The following HSPB2 variants were observed in gnomAD, a reference collection of about 807,000 sequenced individuals.
HSPB2 encodes heat shock protein family B (small) member 2, also known as heat shock protein beta-2.
In HSPB2, 14 loss-of-function variants were observed where a neutral mutation model predicts 14.1. That is an observed-to-expected ratio of 0.99 (90% CI 0.66 to 1.55). The LOEUF is 1.55. Ranked by LOEUF, HSPB2 falls within the 40% of genes most tolerant of loss-of-function variation. HSPB2 has a pLI of 0.00. For synonymous variants in HSPB2, 110 were observed against 103.4 expected (o/e 1.06, Z -0.39); for missense variants, 242 against 241.7 (o/e 1.00, Z -0.01).
chr11:111,913,266 C>A, intron 1 of HSPB2, 175 bp from the exon 2 acceptor site: 1 of 634,090 alleles, frequency 1.6e-6, no homozygotes, highest in Non-Finnish European at 2.8e-6. Flanking sequence ...CGTTCTCTTT[C>A]CCCTCTTCCG....
rs1965510131 is a variant in HSPB2 at position 111,912,861 on chromosome 11, C to T, written c.32C>T (p.Pro11Leu). The change falls in exon 1 of 2, where the codon CCG becomes CTG. Residue 11 changes from proline (P) to leucine (L), a missense_variant. Physicochemically the swap from Pro to Leu is moderately conservative, Grantham distance 98. Coordinates refer to ENST00000304298, the MANE Select transcript of HSPB2 (RefSeq NM_001541.4). MSGRSVPHAH[P>L]ATAEYEFANP... ...GGCCGCTCAGTGCCACATGCCCACC[C>T]GGCCACCGCCGAGTACGAATTTGCC... 2 of 1,608,228 alleles carry T rather than the reference C, an allele frequency of 1.2e-6. No individual in the cohort carries two copies. The highest frequency in any genetic ancestry group is 8.5e-7 in the Non-Finnish European group (1 of 1,178,556).
chr11:111,912,751 C>G lies in HSPB2; in HGVS notation c.-79C>G, dbSNP rs1555165734. On this transcript the variant is annotated 5_prime_UTR_variant, in exon 1 of 2. Coordinates refer to ENST00000304298, the MANE Select transcript of HSPB2 (RefSeq NM_001541.4). Reference sequence around the variant, plus strand: ...GCCCCCACCTCCTATCGAGCCCTGGCTCTCCGGGCAGCTGGAGGGGTCGCG... The same window carrying G: ...GCCCCCACCTCCTATCGAGCCCTGGGTCTCCGGGCAGCTGGAGGGGTCGCG... 1 of 1,055,064 alleles carries G rather than the reference C, an allele frequency of 9.5e-7. No individual in the cohort carries two copies. 65.4% of individuals were successfully genotyped at this position (1,055,064 alleles called of 1,614,324 possible). A position where few individuals can be genotyped will look rare whatever the true frequency, so the allele number is the denominator to read the frequency against.
In HSPB2 at chr11:111,913,213, T is replaced by C. The variant is rs1489828138; in HGVS notation, c.95-228T>C. ...CAGGCCGTTTGGTGCCTCCTCCTCC[T>C]CCCCCTCCTCCTCCTTCTCCTCCTC... On this transcript the variant is annotated intron_variant, in intron 1 of 1. Transcript: ENST00000304298. 17 of 571,692 alleles carry C rather than the reference T, an allele frequency of 3.0e-5. No individual in the cohort carries two copies. In the African/African-American group the frequency reaches 3.1e-4, roughly 10 times the overall value. The allele number at this position is 571,692 out of a possible 1,614,324, so 35.4% of individuals were successfully genotyped here.
rs782358064 is a variant in HSPB2, at chr11:111,912,834, C to T, written c.5C>T (p.Ser2Leu). M[S>L]GRSVPHAHPA... ...GCTTCTGCTGCATCTGCAGCCATGT[C>T]GGGCCGCTCAGTGCCACATGCCCAC... Residue 2 changes from serine to leucine, a missense_variant, in exon 1 of 2, where the codon TCG (serine) becomes TTG (leucine). Transcript: ENST00000304298. 1.2e-6 allele frequency: 2 copies of T among 1,601,186 alleles called. No individual in the cohort carries two copies. The highest frequency in any genetic ancestry group is 2.3e-5 in the South Asian group (2 of 88,340).
At position 111,913,605 on chromosome 11, in the gene HSPB2, G is replaced by T. The variant is rs782564961; in HGVS notation, c.259G>T (p.Glu87Ter). 6.2e-7 allele frequency: 1 copy of T among 1,614,176 alleles called. No individual in the cohort carries two copies. The highest frequency in any genetic ancestry group is 2.2e-5 in the East Asian group (1 of 44,876). Residue 87 changes from glutamate (E) to a stop codon, truncating the protein, a stop_gained, in exon 2 of 2, where the codon GAG (glutamate) becomes TAG (stop). Transcript: ENST00000304298. LOFTEE classifies it high-confidence loss of function. ...GGATGTGAGCCACTTTACCCCAGACGAGGTGACTGTGAGGACTGTGGATAA... is the reference window on the plus strand; with the variant it reads ...GGATGTGAGCCACTTTACCCCAGACTAGGTGACTGTGAGGACTGTGGATAA... The part of the protein sequence containing the change: ...FLDVSHFTPD[E>*]VTVRTVDNLL...
Position 111,912,757 on chromosome 11 carries a change from G to C in HSPB2, c.-73G>C. 1 of 1,015,690 alleles carries C rather than the reference G, an allele frequency of 9.8e-7. No individual in the cohort carries two copies. The highest frequency in any genetic ancestry group is 1.4e-6 in the Non-Finnish European group (1 of 723,632). 62.9% of individuals were successfully genotyped at this position (1,015,690 alleles called of 1,614,324 possible). A position where few individuals can be genotyped will look rare whatever the true frequency, so the allele number is the denominator to read the frequency against. On this transcript the variant is annotated 5_prime_UTR_variant, in exon 1 of 2. Coordinates refer to ENST00000304298, the MANE Select transcript of HSPB2 (RefSeq NM_001541.4). The stretch of plus-strand genomic sequence containing the variant: ...ACCTCCTATCGAGCCCTGGCTCTCC[G>C]GGCAGCTGGAGGGGTCGCGCTGCGC...
chr11:111,912,968 G>A (rs1262555246), intron 1 of HSPB2, 45 bp downstream of exon 1: 2 of 935,138 alleles, frequency 2.1e-6, no homozygotes, highest in Non-Finnish European at 2.6e-6. Flanking sequence ...CCCACCCCCT[G>A]AAATTCTGGG....
rs1446100262 is a variant in HSPB2, at chr11:111,913,632, C to A, written c.286C>A (p.Leu96Met). Residue 96 changes from leucine to methionine, a missense_variant, in exon 2 of 2, where the codon CTG (leucine) becomes ATG (methionine). By Grantham distance (15) the Leu-to-Met change is conservative (BLOSUM62 2). Coordinates refer to ENST00000304298, the MANE Select transcript of HSPB2 (RefSeq NM_001541.4). ...DEVTVRTVDN[L>M]LEVSARHPQR... is the part of the protein sequence containing the mutation. The stretch of plus-strand genomic sequence containing the variant: ...GGTGACTGTGAGGACTGTGGATAAC[C>A]TGCTGGAGGTGTCTGCCCGGCACCC... The A allele has an allele frequency of 3.7e-6, 6 of 1,614,062 alleles. No individual in the cohort carries two copies. Among genetic ancestry groups the A allele is most frequent in the Admixed American group, 1.7e-5 (1 of 60,004 alleles).
At position 111,912,957 on chromosome 11, in the gene HSPB2, C is replaced by T. The variant is rs545496413; in HGVS notation, c.94+34C>T. 82 of 1,487,542 alleles carry T rather than the reference C, an allele frequency of 5.5e-5. No individual in the cohort carries two copies. In the African/African-American group the frequency reaches 1.0e-3, roughly 18 times the overall value. 92.1% of individuals were successfully genotyped at this position (1,487,542 alleles called of 1,614,324 possible). A position where few individuals can be genotyped will look rare whatever the true frequency, so the allele number is the denominator to read the frequency against. On this transcript the variant is annotated intron_variant, in intron 1 of 1. Coordinates refer to ENST00000304298, the MANE Select transcript of HSPB2 (RefSeq NM_001541.4). ...CAGACACCACCCCCTTGCCCCCCACCCCCACCCCCTGAAATTCTGGGCTGA... is the reference window on the plus strand; with the variant it reads ...CAGACACCACCCCCTTGCCCCCCACTCCCACCCCCTGAAATTCTGGGCTGA...
intron 1 of HSPB2, 32 bp downstream of exon 1, chr11:111,912,955 AC>A: frequency 1.2e-6 from 1 of 811,182 alleles, no homozygotes; most frequent in Non-Finnish European, 1.5e-6. Context: ...CTTGCCCCCC[AC>A]CCCCACCCCC....
At position 111,914,093 on chromosome 11, in the gene HSPB2, C is replaced by A; in HGVS notation, c.*198C>A. ...AGCTGAATAAACCCAAATCTCAGGGCCTTGTTTGTACTGCTCCCTATTCTG... is the reference window on the plus strand; with the variant it reads ...AGCTGAATAAACCCAAATCTCAGGGACTTGTTTGTACTGCTCCCTATTCTG... On this transcript the variant is annotated 3_prime_UTR_variant, in exon 2 of 2. Coordinates refer to ENST00000304298, the MANE Select transcript of HSPB2 (RefSeq NM_001541.4). 1 of 595,448 alleles carries A rather than the reference C, an allele frequency of 1.7e-6. No individual in the cohort carries two copies. The highest frequency in any genetic ancestry group is 2.9e-6 in the Non-Finnish European group (1 of 339,546). The allele number at this position is 595,448 out of a possible 1,614,324, so 36.9% of individuals were successfully genotyped here.
In HSPB2 at chr11:111,913,743, C is replaced by T; in HGVS notation, c.397C>T (p.Arg133Ter). The T allele has an allele frequency of 6.2e-7, 1 of 1,614,160 alleles. No individual in the cohort carries two copies. The change falls in exon 2 of 2, where the codon CGA becomes TGA. Residue 133 changes from arginine (R) to a stop codon, truncating the protein, a stop_gained. Transcript: ENST00000304298. LOFTEE classifies it high-confidence loss of function. ...TGCTGATGTCGACCCCTGGCGAGTC[C>T]GAGCTGCTCTCTCCCATGATGGCAT... is the stretch of plus-strand genomic sequence containing the variant. The part of the protein sequence containing the change: ...LPADVDPWRV[R>*]AALSHDGILN...
rs1372942972 is a variant in HSPB2 at position 111,914,032 on chromosome 11, T to C, written c.*137T>C. 1 of 793,258 alleles carries C rather than the reference T, an allele frequency of 1.3e-6. No homozygotes were observed. The highest frequency in any genetic ancestry group is 1.7e-5 in the African/African-American group (1 of 57,384). 49.1% of individuals were successfully genotyped at this position (793,258 alleles called of 1,614,324 possible). A position where few individuals can be genotyped will look rare whatever the true frequency, so the allele number is the denominator to read the frequency against. ...GTCCACAATGTATGGTTTGGTCCCA[T>C]GGGACATGTCATAGCCTTGGTTTAG... On this transcript the variant is annotated 3_prime_UTR_variant, in exon 2 of 2. Coordinates refer to ENST00000304298, the MANE Select transcript of HSPB2 (RefSeq NM_001541.4).
In HSPB2 at chr11:111,913,747, C is replaced by T; in HGVS notation, c.401C>T (p.Ala134Val). 2 of 1,614,196 alleles carry T rather than the reference C, an allele frequency of 1.2e-6. No individual in the cohort carries two copies. The highest frequency in any genetic ancestry group is 8.5e-7 in the Non-Finnish European group (1 of 1,180,046). ...PADVDPWRVR[A>V]ALSHDGILNL... ...GATGTCGACCCCTGGCGAGTCCGAG[C>T]TGCTCTCTCCCATGATGGCATCTTA... Residue 134 changes from alanine (A) to valine (V), a missense_variant, in exon 2 of 2, where the codon GCT becomes GTT. By Grantham distance (64) the Ala-to-Val change is moderately conservative. Coordinates refer to ENST00000304298, the MANE Select transcript of HSPB2 (RefSeq NM_001541.4).
intron 1 of HSPB2, chr11:111,913,211 C>G (rs1047590354): frequency 3.4e-6 from 2 of 586,280 alleles, no homozygotes. Context: ...GCCTCCTCCT[C>G]CTCCCCCTCC....
chr11:111,913,194 G>T lies in HSPB2; in HGVS notation c.95-247G>T, dbSNP rs570230145. On this transcript the variant is annotated intron_variant, in intron 1 of 1. Transcript: ENST00000304298. ...TGTCCCCCTTCTATCCACCCAGGCC[G>T]TTTGGTGCCTCCTCCTCCTCCCCCT... The T allele has an allele frequency of 8.3e-6, 5 of 602,736 alleles. 1 individual carries two copies. The East Asian group carries it at 1.1e-4, about 13-fold the overall frequency. 37.3% of individuals were successfully genotyped at this position (602,736 alleles called of 1,614,324 possible).
At position 111,913,032 on chromosome 11, in the gene HSPB2, T is replaced by C. The variant is rs4252587; in HGVS notation, c.94+109T>C. On this transcript the variant is annotated intron_variant, in intron 1 of 1. Transcript: ENST00000304298. ...CCCACTCTGGGCTTAACTGATCTCC[T>C]GGGACCAGCCACCCCCCACCCCAGA... The C allele has an allele frequency of 1.2e-4, 88 of 759,122 alleles. No homozygotes were observed. The African/African-American group carries it at 1.4e-3, about 12-fold the overall frequency. 47.0% of individuals were successfully genotyped at this position (759,122 alleles called of 1,614,324 possible).
rs782197093 is a variant in HSPB2 at position 111,913,494 on chromosome 11, C to A, written c.148C>A (p.Arg50=). The change falls in exon 2 of 2, where the codon CGG becomes AGG. Residue 50 remains arginine, a synonymous_variant. Transcript: ENST00000304298. The part of the protein sequence containing the change: ...TPTLYHGYYV[R]PRAAPAGEGS... ...CACACTCTACCATGGCTACTATGTC[C>A]GGCCTCGGGCCGCCCCAGCTGGGGA... 1 of 1,613,310 alleles carries A rather than the reference C, an allele frequency of 6.2e-7. No individual in the cohort carries two copies. The highest frequency in any genetic ancestry group is 8.5e-7 in the Non-Finnish European group (1 of 1,180,022).
rs1965550177 is a variant in HSPB2, at chr11:111,913,806, GAC to G, written c.464_465del (p.Thr155ArgfsTer4). Reference protein sequence around the residue: ...LEAPRGGRHLDTEVNEVYISL... With the variant: ...LEAPRGGRHLXTEVNEVYISL... Reference sequence around the variant, plus strand: ...AGCACCTCGGGGTGGCCGACATTTGGACACAGAGGTCAATGAGGTCTACATCT... The same window carrying G: ...AGCACCTCGGGGTGGCCGACATTTGGACAGAGGTCAATGAGGTCTACATCT... On this transcript the variant is annotated frameshift_variant, in exon 2 of 2. Transcript: ENST00000304298. LOFTEE classifies it high-confidence loss of function. 6.2e-7 allele frequency: 1 copy of G among 1,614,052 alleles called. No individual in the cohort carries two copies. The highest frequency in any genetic ancestry group is 1.3e-5 in the African/African-American group (1 of 74,936).
Sources: gnomAD v4.1 joint callset for allele counts on GRCh38, gnomAD v4.1.1 for gene constraint, MANE v1.5 for transcripts, NCBI Gene and HGNC (gene_info 2026-07-23, HGNC 2026-07-21) for gene names.